The following POU3F3 variants were observed in gnomAD, a reference collection of about 807,000 sequenced individuals.
The protein encoded by POU3F3 is POU class 3 homeobox 3.
In POU3F3, 1 loss-of-function variant was observed where a neutral mutation model predicts 8.6. The ratio of observed to expected loss-of-function variants is 0.12; its 90% CI spans 0.04 to 0.55. The LOEUF (loss-of-function observed/expected upper bound fraction) is 0.55, where lower values mean the gene tolerates loss of function less well. Ranked by LOEUF, POU3F3 falls within the 20% of genes least tolerant of loss-of-function variation. The pLI, the probability that POU3F3 is intolerant of heterozygous loss-of-function variation, is 0.91. For synonymous variants in POU3F3, 418 were observed against 327.4 expected, an observed-to-expected ratio of 1.28 and a Z score of -2.99; for missense variants, 577 against 690.7, an observed-to-expected ratio of 0.84 and a Z score of 1.84.
downstream of POU3F3, among the ~76,000 whole-genome samples, chr2:104,863,004 T>C (rs1396280099): frequency 6.6e-6 from 1 of 151,880 alleles, no homozygotes; most frequent in African/African-American, 2.4e-5. Flanking sequence ...TAAATTCTTT[T>C]TTTTTTTAAT....
the POU3F3 span, among the ~76,000 whole-genome samples, chr2:104,893,173 G>A: frequency 6.6e-6 from 1 of 152,208 alleles, no homozygotes; most frequent in African/African-American, 2.4e-5. Flanking sequence ...TCACTCAATG[G>A]TGTGCTCAGG....
chr2:104,876,079 G>A, the POU3F3 span, among the ~76,000 whole-genome samples: 1 of 152,124 alleles, frequency 6.6e-6, no homozygotes, highest in Non-Finnish European at 1.5e-5. Context: ...AAATGGAGAG[G>A]TACACAGAAC....
chr2:104,900,339 A>T, the POU3F3 span, among the ~76,000 whole-genome samples: 2 of 152,212 alleles, frequency 1.3e-5, no homozygotes, highest in East Asian at 3.8e-4. Context: ...ATAGAAAAAT[A>T]TGGAATGGTA....
chr2:104,899,222 C>A, the POU3F3 span, among the ~76,000 whole-genome samples: 6 of 152,208 alleles, frequency 3.9e-5, no homozygotes, highest in Non-Finnish European at 7.3e-5. Flanking sequence ...GTTGTGTGTG[C>A]CTGCTGTGCC....
the POU3F3 span, among the ~76,000 whole-genome samples, chr2:104,898,002 TC>T: frequency 1.3e-5 from 2 of 152,152 alleles, no homozygotes; most frequent in African/African-American, 2.4e-5. Flanking sequence ...AATGTTCTTG[TC>T]CCCCCAGAGT....
the POU3F3 span, among the ~76,000 whole-genome samples, chr2:104,888,425 C>T: frequency 2.6e-5 from 4 of 152,126 alleles, no homozygotes; most frequent in Non-Finnish European, 5.9e-5. Context: ...GCCATCTCCT[C>T]GTTCTTCATT....
the POU3F3 span, among the ~76,000 whole-genome samples, chr2:104,899,197 G>A: frequency 1.3e-4 from 20 of 152,308 alleles, no homozygotes; most frequent in Non-Finnish European, 2.2e-4. Context: ...CATAAGCGAC[G>A]GATCGGCAGT....
the POU3F3 span, among the ~76,000 whole-genome samples, chr2:104,902,613 G>C: frequency 2.8e-3 from 430 of 152,172 alleles, 2 homozygotes; most frequent in Admixed American, 3.9e-3. Context: ...GGAGAGTAGC[G>C]GTCAGTCAAA....
the POU3F3 span, among the ~76,000 whole-genome samples, chr2:104,923,532 A>G: frequency 1.3e-5 from 2 of 152,164 alleles, no homozygotes; most frequent in African/African-American, 2.4e-5. Context: ...GCTGTAGAGT[A>G]TACACAAAAG....
the POU3F3 span, among the ~76,000 whole-genome samples, chr2:104,920,075 C>T: frequency 5.9e-5 from 9 of 152,258 alleles, no homozygotes; most frequent in Admixed American, 2.0e-4. Context: ...AGTGCACTGG[C>T]GCAATCTCAG....
the POU3F3 span, among the ~76,000 whole-genome samples, chr2:104,926,844 G>A: frequency 0.042 from 6,453 of 152,072 alleles, 462 homozygotes; most frequent in African/African-American, 0.15. Flanking sequence ...ACTAACACAA[G>A]AACAGAAAAC....
chr2:104,920,547 C>T, the POU3F3 span, among the ~76,000 whole-genome samples: 1 of 152,112 alleles, frequency 6.6e-6, no homozygotes, highest in African/African-American at 2.4e-5. Context: ...AAGATGTGGT[C>T]AGTATGTGAT....
At chr2:104,892,926 T>C in the POU3F3 span, among the ~76,000 whole-genome samples, 1 of 152,012 alleles carries the variant, frequency 6.6e-6, no homozygotes, top group Non-Finnish European at 1.5e-5. Context: ...CAGCTCTCTT[T>C]GAGAGGTTTA....
At chr2:104,885,885 C>T in the POU3F3 span, among the ~76,000 whole-genome samples, 1 of 152,142 alleles carries the variant, frequency 6.6e-6, no homozygotes, top group African/African-American at 2.4e-5. Flanking sequence ...GAAACCTCTG[C>T]CTCCCAGGTT....
the POU3F3 span, among the ~76,000 whole-genome samples, chr2:104,881,875 C>A: frequency 6.6e-6 from 1 of 152,174 alleles, no homozygotes; most frequent in African/African-American, 2.4e-5. Flanking sequence ...CCTCTTCTAC[C>A]GGGATATCTG....
the POU3F3 span, among the ~76,000 whole-genome samples, chr2:104,913,200 T>TC: frequency 6.6e-6 from 1 of 151,886 alleles, no homozygotes; most frequent in African/African-American, 2.4e-5. Flanking sequence ...GCTTTTTTTT[T>TC]TTTAAAGAAT....
rs745905442 is a variant in POU3F3, at chr2:104,855,706, G to C, written c.196G>C (p.Asp66His). 10 of 1,241,634 alleles carry C rather than the reference G, an allele frequency of 8.1e-6. No individual in the cohort carries two copies. In the Admixed American group the frequency reaches 2.0e-4, roughly 25 times the overall value. The allele number at this position is 1,241,634 out of a possible 1,614,324, so 76.9% of individuals were successfully genotyped here. Residue 66 changes from aspartate to histidine, a missense_variant, in exon 1 of 1, where the codon GAC (aspartate) becomes CAC (histidine). By Grantham distance (81) the Asp-to-His change is moderately conservative. Around this residue, in one of 7 missense-constraint regions of POU3F3, gnomAD observed 484 missense variants for 422.6 expected, o/e 1.15. Transcript: ENST00000361360. ...AAVTSGAYRG[D>H]PSSVKMVQSD... ...CGTGACCTCGGGCGCCTACCGGGGG[G>C]ACCCGTCCTCTGTCAAGATGGTCCA...
chr2:104,902,900 G>A, the POU3F3 span, among the ~76,000 whole-genome samples: 1 of 152,182 alleles, frequency 6.6e-6, no homozygotes, highest in Non-Finnish European at 1.5e-5. Flanking sequence ...CAAAGGTAAT[G>A]CAGGGCCTCC....
the POU3F3 span, among the ~76,000 whole-genome samples, chr2:104,877,382 T>C: frequency 6.6e-6 from 1 of 152,214 alleles, no homozygotes; most frequent in Non-Finnish European, 1.5e-5. Context: ...ACAGCTACCC[T>C]GCAAAATGCC....
Sources: allele counts gnomAD v4.1 joint callset (sites outside exome capture counted in the v4.1 genomes callset), GRCh38; gene constraint gnomAD v4.1.1; regional missense constraint gnomAD v4.1.1; transcripts MANE v1.5; gene names NCBI Gene and HGNC (gene_info 2026-07-23, HGNC 2026-07-21).